FER: variants seen among roughly 807,000 people sequenced by gnomAD.
FER encodes the protein tyrosine-protein kinase Fer.
In FER, 63 loss-of-function variants were observed where a neutral mutation model predicts 111.0. The ratio of observed to expected loss-of-function variants is 0.57; its 90% CI spans 0.46 to 0.70. The LOEUF is 0.70. Among genes scored for constraint, FER ranks in the 30% least tolerant of loss-of-function variants. The probability of loss-of-function intolerance (pLI) is 0.00; values close to 1 mark genes in which losing one functional copy is unlikely to be tolerated. For synonymous variants in FER, 327 were observed against 313.9 expected, an observed-to-expected ratio of 1.04 and a Z score of -0.44; for missense variants, 914 against 954.0, an observed-to-expected ratio of 0.96 and a Z score of 0.55.
At chr5:108,938,528 G>T (rs1179362093) in intron 10 of FER, among the ~76,000 whole-genome samples, 1 of 151,934 alleles carries the variant, frequency 6.6e-6, no homozygotes, top group East Asian at 1.9e-4. Flanking sequence ...CAGATAGTTG[G>T]ATCCATCCAG....
At chr5:109,167,082 A>C (rs1015815192) in intron 17 of FER, among the ~76,000 whole-genome samples, 2 of 152,138 alleles carry the variant, frequency 1.3e-5, no homozygotes, top group Admixed American at 1.3e-4. Context: ...GGGTTTGCAT[A>C]ACTATCTCTT....
intron 10 of FER, among the ~76,000 whole-genome samples, chr5:108,936,804 A>G (rs1029619891): frequency 6.6e-6 from 1 of 152,058 alleles, no homozygotes; most frequent in African/African-American, 2.4e-5. Context: ...ATTTATAAGT[A>G]CAGCAAACTA....
At chr5:108,998,482 C>T (rs1006354281) in intron 13 of FER, among the ~76,000 whole-genome samples, 1 of 152,206 alleles carries the variant, frequency 6.6e-6, no homozygotes, top group Non-Finnish European at 1.5e-5. Context: ...GCCGCACCCA[C>T]TGTCCAACCA....
rs138482006 is a variant in FER at position 109,113,865 on chromosome 5, C to T, written c.2048+13346C>T. 7.7e-3 allele frequency among the ~76,000 whole-genome samples: 1,170 copies of T among 152,084 alleles called. 11 individuals are homozygous for T. Among genetic ancestry groups the T allele is most frequent in the African/African-American group, 0.027 (1,135 of 41,488 alleles). ...AATTTCCCTAATTTGCTCCAAAGAG[C>T]ATATACTGAAAACATTATCTAATGT... On this transcript the variant is annotated intron_variant, in intron 17 of 19. Transcript: ENST00000281092.
chr5:109,079,509 T>C (rs1321851797), intron 16 of FER, among the ~76,000 whole-genome samples: 3 of 152,158 alleles, frequency 2.0e-5, no homozygotes, highest in Admixed American at 1.3e-4. Flanking sequence ...ATTTACTGAG[T>C]GAATGAATTA....
chr5:108,840,621 TG>T (rs1761161920), intron 5 of FER, among the ~76,000 whole-genome samples: 1 of 152,136 alleles, frequency 6.6e-6, no homozygotes, highest in South Asian at 2.1e-4. Context: ...AACTTGTCCC[TG>T]ATCTATCCCC....
At chr5:108,833,011 A>G in intron 4 of FER, 68 bp downstream of exon 4, 4 of 1,395,274 alleles carry the variant, frequency 2.9e-6, no homozygotes, top group Non-Finnish European at 2.9e-6. Context: ...ATTTTACCTT[A>G]TTTGGCTTTA....
chr5:108,953,089 T>A (rs1757980340), intron 11 of FER, among the ~76,000 whole-genome samples: 1 of 152,030 alleles, frequency 6.6e-6, no homozygotes, highest in African/African-American at 2.4e-5. Flanking sequence ...TCATAAAATT[T>A]TAAAATAAAA....
intron 10 of FER, among the ~76,000 whole-genome samples, chr5:108,899,424 A>C (rs1478384051): frequency 1.3e-5 from 2 of 152,036 alleles, no homozygotes; most frequent in African/African-American, 4.8e-5. Flanking sequence ...TTGGCTTTGG[A>C]ATATCTTATC....
rs148465618 is a variant in FER, at chr5:109,081,445, G to C, written c.1925-18951G>C. Among the ~76,000 whole-genome samples, 1,201 of 152,068 alleles carry C rather than the reference G, an allele frequency of 7.9e-3. 13 individuals are homozygous for C. Among genetic ancestry groups the C allele is most frequent in the African/African-American group, 0.028 (1,163 of 41,504 alleles). ...ACGATCTGAATTAGGAGAAATATCT[G>C]TTTATGGCCAAACATTTTTCTGCTT... On this transcript the variant is annotated intron_variant, in intron 16 of 19. Coordinates refer to ENST00000281092, the MANE Select transcript of FER (RefSeq NM_005246.4).
intron 8 of FER, among the ~76,000 whole-genome samples, chr5:108,877,239 A>G (rs1160690515): frequency 6.6e-6 from 1 of 152,208 alleles, no homozygotes; most frequent in Non-Finnish European, 1.5e-5. Context: ...CTCTGGTTGA[A>G]CATATACAGT....
chr5:108,962,418 C>A (rs181873082), intron 13 of FER, among the ~76,000 whole-genome samples: 5 of 152,212 alleles, frequency 3.3e-5, no homozygotes, highest in Admixed American at 2.6e-4. Context: ...AATAACACAT[C>A]AAGCCCTTTT....
At chr5:109,109,268 GTTTAT>G (rs966479992) in intron 17 of FER, among the ~76,000 whole-genome samples, 5 of 152,004 alleles carry the variant, frequency 3.3e-5, no homozygotes, top group African/African-American at 1.2e-4. Context: ...ACTATCACCT[GTTTAT>G]TTTATTTATA....
chr5:108,928,146 T>C (rs919386569), intron 10 of FER, among the ~76,000 whole-genome samples: 1 of 152,202 alleles, frequency 6.6e-6, no homozygotes, highest in African/African-American at 2.4e-5. Context: ...GTTCCTTTTT[T>C]AGAAGGTGCT....
At chr5:109,178,767 T>C (rs1700886414) in intron 17 of FER, among the ~76,000 whole-genome samples, 2 of 152,216 alleles carry the variant, frequency 1.3e-5, no homozygotes, top group Admixed American at 1.3e-4. Context: ...TACACCTTTC[T>C]TAAAATTACT....
intron 5 of FER, among the ~76,000 whole-genome samples, chr5:108,865,674 G>C (rs1012613962): frequency 6.6e-6 from 1 of 152,086 alleles, no homozygotes. Flanking sequence ...GAAAATTTTT[G>C]CAATCTACTC....
intron 13 of FER, among the ~76,000 whole-genome samples, chr5:108,971,852 C>T (rs73211553): frequency 0.13 from 20,218 of 151,964 alleles, 1,940 homozygotes; most frequent in African/African-American, 0.27. Flanking sequence ...ACAAATATCT[C>T]ATGATATTTA....
At chr5:108,755,479 AG>A (rs968215266) in intron 1 of FER, among the ~76,000 whole-genome samples, 3 of 152,078 alleles carry the variant, frequency 2.0e-5, no homozygotes, top group Admixed American at 2.0e-4. Flanking sequence ...AGCAGTGTTC[AG>A]GGTTTTTTTG....
chr5:108,777,111 A>AG (rs545739024), intron 2 of FER, among the ~76,000 whole-genome samples: 205 of 152,298 alleles, frequency 1.3e-3, no homozygotes, highest in African/African-American at 4.4e-3. Context: ...CAGAAGTTGG[A>AG]GACCAGCCTG....
Sources: gnomAD v4.1 joint callset for allele counts (sites outside exome capture counted in the v4.1 genomes callset) on GRCh38, gnomAD v4.1.1 for gene constraint, MANE v1.5 for transcripts, NCBI Gene and HGNC (gene_info 2026-07-23, HGNC 2026-07-21) for gene names.